Variants in NCS1 observed in about 807,000 individuals in gnomAD.
NCS1 encodes the protein frequenin homolog.
Under a neutral mutation model 28.4 loss-of-function variants are expected in NCS1, and 6 were observed. That is an observed-to-expected ratio of 0.21 (90% CI 0.12 to 0.42). The LOEUF (loss-of-function observed/expected upper bound fraction) is 0.42, where lower values mean the gene tolerates loss of function less well. Ranked by LOEUF, NCS1 falls within the 10% of genes least tolerant of loss-of-function variation. The pLI is 1.00. For synonymous variants in NCS1, 86 were observed against 99.3 expected, an observed-to-expected ratio of 0.87 and a Z score of 0.79; for missense variants, 131 against 241.4, an observed-to-expected ratio of 0.54 and a Z score of 3.03.
intron 1 of NCS1, among the ~76,000 whole-genome samples, chr9:130,194,097 T>G (rs1355090042): frequency 2.0e-5 from 3 of 152,188 alleles, no homozygotes; most frequent in Admixed American, 2.0e-4. Context: ...CGTCCATGCC[T>G]CTAGCTGAAG....
intron 2 of NCS1, 106 bp downstream of exon 2, chr9:130,201,088 G>A (rs918570101): frequency 5.4e-6 from 8 of 1,487,706 alleles, no homozygotes; most frequent in Non-Finnish European, 7.5e-6. Flanking sequence ...GGGGGCATGT[G>A]GAGGGGCCCC....
chr9:130,207,960 A>G (rs948702420), intron 2 of NCS1, among the ~76,000 whole-genome samples: 3 of 151,988 alleles, frequency 2.0e-5, no homozygotes, highest in Non-Finnish European at 2.9e-5. Context: ...TTGTTCTTTT[A>G]TCTTAGTTCC....
chr9:130,221,353 ATATT>A (rs1342955670), intron 4 of NCS1, among the ~76,000 whole-genome samples: 1 of 135,554 alleles, frequency 7.4e-6, no homozygotes, highest in African/African-American at 2.7e-5. Context: ...TATATATAAA[ATATT>A]TAATATATAT....
chr9:130,208,895 G>C (rs1474965848), intron 2 of NCS1, among the ~76,000 whole-genome samples: 2 of 152,036 alleles, frequency 1.3e-5, no homozygotes, highest in Non-Finnish European at 1.5e-5. Flanking sequence ...TGTGTGTGTG[G>C]AGTCTGGGTC....
chr9:130,227,362 G>A (rs1157296992), intron 7 of NCS1, among the ~76,000 whole-genome samples: 2 of 152,224 alleles, frequency 1.3e-5, no homozygotes, highest in East Asian at 3.8e-4. Flanking sequence ...CCAGAGATCA[G>A]CGTTCTTGTC....
intron 6 of NCS1, among the ~76,000 whole-genome samples, chr9:130,225,778 C>A (rs970163989): frequency 1.3e-5 from 2 of 152,216 alleles, no homozygotes; most frequent in Admixed American, 6.5e-5. Flanking sequence ...CGGCACTTAC[C>A]CTCTCTGGAT....
At chr9:130,189,226 C>G (rs1832782729) in intron 1 of NCS1, among the ~76,000 whole-genome samples, 1 of 152,190 alleles carries the variant, frequency 6.6e-6, no homozygotes, top group South Asian at 2.1e-4. Context: ...CTGTTTGTTC[C>G]TTTAACCAGC....
intron 1 of NCS1, among the ~76,000 whole-genome samples, chr9:130,184,730 C>T (rs1032983533): frequency 6.6e-5 from 10 of 151,916 alleles, no homozygotes; most frequent in East Asian, 1.9e-4. Flanking sequence ...CAGGTTCAAG[C>T]GATTCTCTTG....
At chr9:130,176,142 C>CTTTCTTTCTTTCTTTCT (rs1564700651) in intron 1 of NCS1, among the ~76,000 whole-genome samples, 1 of 74,292 alleles carries the variant, frequency 1.3e-5, no homozygotes, top group Non-Finnish European at 3.4e-5. Context: ...TGTTCATTTT[C>CTTTCTTTCTTTCTTTCT]TTTCTTTCTT....
At position 130,236,984 on chromosome 9, in the gene NCS1, G is replaced by A. The variant is rs1056990261; in HGVS notation, c.*4012G>A. The stretch of plus-strand genomic sequence containing the variant: ...GTGGAGGACGGTGCCCAAGAGTAGC[G>A]GTTTGGACTGCTGCTGCCTCCCACC... On this transcript the variant is annotated 3_prime_UTR_variant, in exon 8 of 8. Coordinates refer to ENST00000372398, the MANE Select transcript of NCS1 (RefSeq NM_014286.4). 11 of 152,308 alleles carry A rather than the reference G, an allele frequency of 7.2e-5. No homozygotes were observed. The highest frequency in any genetic ancestry group is 2.7e-4 in the African/African-American group (11 of 41,464). 9.4% of individuals were successfully genotyped at this position (152,308 alleles called of 1,614,324 possible). A position where few individuals can be genotyped will look rare whatever the true frequency, so the allele number is the denominator to read the frequency against.
intron 2 of NCS1, among the ~76,000 whole-genome samples, chr9:130,214,349 G>A (rs1554909104): frequency 6.6e-6 from 1 of 152,214 alleles, no homozygotes. Context: ...GGTCAGGAAG[G>A]CTTCACTGGG....
rs1833177208 is a variant in NCS1, at chr9:130,215,941, ATCC to A, written c.90-1881_90-1879del. The stretch of plus-strand genomic sequence containing the variant: ...TGCTCCCTCTTCTCTGCCCTCCCCC[ATCC>A]TCCTCCTCCCCTCAACCGCCCTCAC... On this transcript the variant is annotated intron_variant, in intron 2 of 7. Coordinates refer to ENST00000372398, the MANE Select transcript of NCS1 (RefSeq NM_014286.4). The surrounding 1 kb of genome is among the most constrained non-coding windows in gnomAD (Gnocchi z 4.2). Among the ~76,000 whole-genome samples, 1 of 151,518 alleles carries A rather than the reference ATCC, an allele frequency of 6.6e-6. No homozygotes were observed. The highest frequency in any genetic ancestry group is 2.1e-4 in the South Asian group (1 of 4,782).
intron 1 of NCS1, among the ~76,000 whole-genome samples, chr9:130,182,472 C>T (rs782206281): frequency 4.6e-5 from 7 of 152,230 alleles, no homozygotes; most frequent in African/African-American, 1.7e-4. Flanking sequence ...GGATCCTTCC[C>T]GCTGGTTCCA....
In NCS1 at chr9:130,203,676, G is replaced by T. The variant is rs529700373; in HGVS notation, c.89+2694G>T. ...GGGACACCAGGAGCTGTCTGCCTGGGCCTCTTCCAGGGCAGGGAAGAGGAC... is the reference window on the plus strand; with the variant it reads ...GGGACACCAGGAGCTGTCTGCCTGGTCCTCTTCCAGGGCAGGGAAGAGGAC... On this transcript the variant is annotated intron_variant, in intron 2 of 7. Transcript: ENST00000372398. 2.0e-5 allele frequency among the ~76,000 whole-genome samples: 3 copies of T among 152,304 alleles called. No homozygotes were observed. The East Asian group carries it at 5.8e-4, about 29-fold the overall frequency.
At chr9:130,193,078 T>A (rs915829356) in intron 1 of NCS1, among the ~76,000 whole-genome samples, 5 of 152,108 alleles carry the variant, frequency 3.3e-5, no homozygotes, top group Admixed American at 6.5e-5. Context: ...GTGGGCCCGG[T>A]GTGGGGGCAG....
intron 7 of NCS1, among the ~76,000 whole-genome samples, chr9:130,228,678 T>TA (rs1240084369): frequency 6.6e-6 from 1 of 151,760 alleles, no homozygotes; most frequent in Non-Finnish European, 1.5e-5. Flanking sequence ...TTTCTTTTTT[T>TA]TTTTTTGAGA....
Position 130,222,114 on chromosome 9 carries a change from G to GTATA in NCS1, c.308-528_308-525dup, listed in dbSNP as rs10658970. Among the ~76,000 whole-genome samples the GTATA allele has an allele frequency of 7.4e-4, 56 of 76,174 alleles. 1 individual carries two copies. Among genetic ancestry groups the GTATA allele is most frequent in the South Asian group, 1.9e-3 (5 of 2,570 alleles). The allele number at this position is 76,174 out of a possible 152,430, so 50.0% of individuals were successfully genotyped here. A position where few individuals can be genotyped will look rare whatever the true frequency, so the allele number is the denominator to read the frequency against. ...TATGTGTGTGTGTATATATATATAC[G>GTATA]TATATATATATGTGTATATATATAT... On this transcript the variant is annotated intron_variant, in intron 4 of 7. Coordinates refer to ENST00000372398, the MANE Select transcript of NCS1 (RefSeq NM_014286.4).
chr9:130,217,670 G>A (rs983793411), intron 2 of NCS1, among the ~76,000 whole-genome samples, 162 bp from the exon 3 acceptor site: 1 of 152,212 alleles, frequency 6.6e-6, no homozygotes, highest in East Asian at 1.9e-4. Context: ...GAGAGGCAGA[G>A]GTGGGACTGC....
intron 7 of NCS1, among the ~76,000 whole-genome samples, chr9:130,231,363 A>C (rs201315812): frequency 4.6e-4 from 8 of 17,324 alleles, no homozygotes; most frequent in South Asian, 2.8e-3. Flanking sequence ...AAAAAAAAAA[A>C]CTTTAATTTT....
Sources: allele counts gnomAD v4.1 joint callset (sites outside exome capture counted in the v4.1 genomes callset), GRCh38; gene constraint gnomAD v4.1.1; non-coding constraint Gnocchi (gnomAD v3.1); transcripts MANE v1.5; gene names NCBI Gene and HGNC (gene_info 2026-07-23, HGNC 2026-07-21).